CMKLR2: variants seen among roughly 807,000 people sequenced by gnomAD.
The protein encoded by CMKLR2 is chemerin-like receptor 2.
A neutral mutation model predicts 23.0 loss-of-function variants in CMKLR2; 18 were observed. That is an observed-to-expected ratio of 0.78 (90% CI 0.54 to 1.16). The LOEUF is 1.16. Among genes scored for constraint, CMKLR2 ranks in the 50% most tolerant of loss-of-function variants. The pLI, the probability that CMKLR2 is intolerant of heterozygous loss-of-function variation, is 0.00. For missense variants in CMKLR2, 401 were observed against 412.7 expected, an observed-to-expected ratio of 0.97 and a Z score of 0.25; for synonymous variants, 158 against 158.9, an observed-to-expected ratio of 0.99 and a Z score of 0.05.
chr2:206,180,739 T>A (rs143382063), intron 1 of CMKLR2, among the ~76,000 whole-genome samples: 2 of 140,764 alleles, frequency 1.4e-5, no homozygotes, highest in African/African-American at 5.4e-5. Flanking sequence ...CAGCCCATTA[T>A]TATTATTATT....
intron 1 of CMKLR2, among the ~76,000 whole-genome samples, chr2:206,194,475 T>G: frequency 6.8e-6 from 1 of 148,074 alleles, no homozygotes; most frequent in South Asian, 2.1e-4. Flanking sequence ...TTTTTTTTTT[T>G]GGTGACAGAA....
chr2:206,196,089 A>G (rs1414259905), intron 1 of CMKLR2, among the ~76,000 whole-genome samples: 1 of 148,728 alleles, frequency 6.7e-6, no homozygotes, highest in Non-Finnish European at 1.5e-5. Flanking sequence ...AAGTGCTTAA[A>G]CCAGGCCAGG....
chr2:206,194,254 A>G (rs1403357512), intron 1 of CMKLR2, among the ~76,000 whole-genome samples: 1 of 152,086 alleles, frequency 6.6e-6, no homozygotes, highest in Non-Finnish European at 1.5e-5. Flanking sequence ...CAATTCTAGA[A>G]CTTCCTTTCA....
chr2:206,179,069 T>G (rs1331054895), intron 1 of CMKLR2, among the ~76,000 whole-genome samples: 17 of 108,872 alleles, frequency 1.6e-4, no homozygotes, highest in African/African-American at 5.8e-4. Flanking sequence ...TTTTTTTTTT[T>G]TTTTTTTTTT....
intron 1 of CMKLR2, among the ~76,000 whole-genome samples, chr2:206,177,896 G>A (rs1688284330): frequency 6.6e-6 from 1 of 152,096 alleles, no homozygotes; most frequent in Non-Finnish European, 1.5e-5. Flanking sequence ...AATTCAACAA[G>A]CATTTATTAG....
At chr2:206,214,915 AC>A (rs1559103409), upstream of CMKLR2, among the ~76,000 whole-genome samples, 1 of 152,028 alleles carries the variant, frequency 6.6e-6, no homozygotes, top group Non-Finnish European at 1.5e-5. Flanking sequence ...GTGAGCCACC[AC>A]ACCTGGCCGC....
chr2:206,215,513 A>G (rs72946903), upstream of CMKLR2, among the ~76,000 whole-genome samples: 3,845 of 152,328 alleles, frequency 0.025, 110 homozygotes, highest in African/African-American at 0.067. Context: ...CGCATAGTTT[A>G]AGCACAGTAC....
At chr2:206,217,774 G>A (rs1042859403), upstream of CMKLR2, 6 of 152,124 alleles carry the variant, frequency 3.9e-5, no homozygotes, top group Admixed American at 1.3e-4. Flanking sequence ...GCATGCGCGG[G>A]GTGTGAAGCT....
Position 206,193,578 on chromosome 2 carries a change from A to G in CMKLR2, c.-28-16303T>C, listed in dbSNP as rs187164057. Among the ~76,000 whole-genome samples, 465 of 152,338 alleles carry G rather than the reference A, an allele frequency of 3.1e-3. 2 individuals are homozygous for G. The highest frequency in any genetic ancestry group is 0.026 in the South Asian group (126 of 4,826). On this transcript the variant is annotated intron_variant, in intron 1 of 1. Transcript: ENST00000621141. ...ATGTTGCAGATATGTTCATCCATAT[A>G]AAGAGTCAGAACTAAAGCTTGCATC... is the stretch of plus-strand genomic sequence containing the variant.
chr2:206,207,508 T>C (rs1261879517), intron 1 of CMKLR2, among the ~76,000 whole-genome samples: 1 of 152,020 alleles, frequency 6.6e-6, no homozygotes, highest in Non-Finnish European at 1.5e-5. Context: ...CACATCTAAT[T>C]ATGTAAATAG....
chr2:206,182,077 G>C (rs1688433319), intron 1 of CMKLR2, among the ~76,000 whole-genome samples: 1 of 151,924 alleles, frequency 6.6e-6, no homozygotes, highest in Non-Finnish European at 1.5e-5. Flanking sequence ...AGGTTGTGGA[G>C]GGGGAAGAAG....
In CMKLR2 at chr2:206,176,324, AC is replaced by A. The variant is rs768628194; in HGVS notation, c.923del (p.Ser308IlefsTer29). 8 of 1,614,148 alleles carry A rather than the reference AC, an allele frequency of 5.0e-6. No individual in the cohort carries two copies. The Admixed American group carries it at 1.3e-4, about 27-fold the overall frequency. On this transcript the variant is annotated frameshift_variant, in exon 2 of 2. Coordinates refer to ENST00000621141, the MANE Select transcript of CMKLR2 (RefSeq NM_001389445.1). LOFTEE classifies it high-confidence loss of function. Reference protein sequence around the residue: ...CLNPILYVLISKKFQARFRSS... With the variant: ...CLNPILYVLIXKKFQARFRSS... The stretch of plus-strand genomic sequence containing the variant: ...ACCGGAAGCGAGCTTGGAACTTCTT[AC>A]TAATTAGGACATAAAGGATGGGGTT...
intron 1 of CMKLR2, among the ~76,000 whole-genome samples, chr2:206,210,235 T>C (rs1036677807): frequency 6.6e-6 from 1 of 152,118 alleles, no homozygotes; most frequent in African/African-American, 2.4e-5. Context: ...TAAGCCACCA[T>C]GCCTGGCCCT....
At chr2:206,184,069 T>C (rs971273046) in intron 1 of CMKLR2, among the ~76,000 whole-genome samples, 2 of 152,196 alleles carry the variant, frequency 1.3e-5, no homozygotes, top group African/African-American at 4.8e-5. Context: ...ATCTTTTCCA[T>C]GGCTCTTGCC....
chr2:206,205,366 G>T (rs953314160), intron 1 of CMKLR2, among the ~76,000 whole-genome samples: 3 of 151,966 alleles, frequency 2.0e-5, no homozygotes, highest in Non-Finnish European at 2.9e-5. Context: ...CTCGAAATAC[G>T]ACTTTATTTC....
chr2:206,181,791 A>G (rs1688421167), intron 1 of CMKLR2, among the ~76,000 whole-genome samples: 1 of 152,030 alleles, frequency 6.6e-6, no homozygotes, highest in Non-Finnish European at 1.5e-5. Flanking sequence ...TGTCTCTACT[A>G]AAAATACAAA....
chr2:206,210,243 C>T (rs1407883876), intron 1 of CMKLR2, among the ~76,000 whole-genome samples: 1 of 151,996 alleles, frequency 6.6e-6, no homozygotes, highest in Non-Finnish European at 1.5e-5. Context: ...CATGCCTGGC[C>T]CTGTGTTTCG....
At position 206,205,524 on chromosome 2, in the gene CMKLR2, G is replaced by A. The variant is rs535159835; in HGVS notation, c.-29+7783C>T. The stretch of plus-strand genomic sequence containing the variant: ...ACTACAGGTGCTCACCACCACACCC[G>A]GCTAATTTTTTTTTTTTTTAAATTT... On this transcript the variant is annotated intron_variant, in intron 1 of 1. Transcript: ENST00000621141. Among the ~76,000 whole-genome samples, 67 of 150,914 alleles carry A rather than the reference G, an allele frequency of 4.4e-4. 1 individual carries two copies. In the East Asian group the frequency reaches 8.9e-3, roughly 20 times the overall value.
rs1415934127 is a variant in CMKLR2 at position 206,176,421 on chromosome 2, C to T, written c.827G>A (p.Ser276Asn). 1 of 1,614,162 alleles carries T rather than the reference C, an allele frequency of 6.2e-7. No homozygotes were observed. Among genetic ancestry groups the T allele is most frequent in the East Asian group, 2.2e-5 (1 of 44,884 alleles). ...SIWELTIHHN[S>N]YSHHVMQAGI... ...AGCCTGCATCACATGGTGGGAATAG[C>T]TATTGTGGTGAATGGTGAGCTCCCA... Residue 276 changes from serine (S) to asparagine (N), a missense_variant, in exon 2 of 2, where the codon AGC (serine) becomes AAC (asparagine). Transcript: ENST00000621141.
Sources: gnomAD v4.1 joint callset for allele counts (sites outside exome capture counted in the v4.1 genomes callset) on GRCh38, gnomAD v4.1.1 for gene constraint, MANE v1.5 for transcripts, NCBI Gene and HGNC (gene_info 2026-07-23, HGNC 2026-07-21) for gene names.